AFF1: variants seen among roughly 807,000 people sequenced by gnomAD.
The protein encoded by AFF1 is AF4/FMR2 family member 1.
Under a neutral mutation model 121.7 loss-of-function variants are expected in AFF1, and 48 were observed. The ratio of observed to expected loss-of-function variants is 0.39; its 90% CI spans 0.31 to 0.50. The LOEUF (loss-of-function observed/expected upper bound fraction) is 0.50. AFF1 is among the 20% of genes least tolerant of loss of function. The pLI, the probability that AFF1 is intolerant of heterozygous loss-of-function variation, is 0.76. For missense variants in AFF1, 1,523 were observed against 1,511.7 expected (o/e 1.01, Z -0.12); for synonymous variants, 613 against 563.0 (o/e 1.09, Z -1.26).
chr4:86,949,836 C>G (rs969839562), intron 2 of AFF1: 1 of 1,613,922 alleles, frequency 6.2e-7, no homozygotes, highest in South Asian at 1.1e-5. Context: ...ATCCAGGACC[C>G]CACCTCGTAG....
chr4:87,106,981 A>C (rs931784607), intron 10 of AFF1, among the ~76,000 whole-genome samples: 2 of 152,196 alleles, frequency 1.3e-5, no homozygotes, highest in Non-Finnish European at 2.9e-5. Flanking sequence ...AACTTCTAAA[A>C]GTGGAGGAAA....
At chr4:87,072,880 T>C (rs757547750) in intron 4 of AFF1, among the ~76,000 whole-genome samples, 1 of 152,074 alleles carries the variant, frequency 6.6e-6, no homozygotes, top group African/African-American at 2.4e-5. Flanking sequence ...AATGATGGAG[T>C]CTTATTTTCA....
chr4:86,966,339 G>T (rs1262396835), intron 2 of AFF1, among the ~76,000 whole-genome samples: 1 of 152,020 alleles, frequency 6.6e-6, no homozygotes, highest in African/African-American at 2.4e-5. Flanking sequence ...TTCTGATGAG[G>T]CCCTCTCAAT....
chr4:87,105,788 C>G lies in AFF1; in HGVS notation c.1339-20C>G, dbSNP rs760630915. 1.9e-6 allele frequency: 3 copies of G among 1,613,996 alleles called. No homozygotes were observed. In the Admixed American group the frequency reaches 5.0e-5, roughly 27 times the overall value. ...TTTGTTCTTTTCCTGGTCTTTCTTCCCCTTATTGTGAATGCCTAGACCCCA... is the reference window on the plus strand; with the variant it reads ...TTTGTTCTTTTCCTGGTCTTTCTTCGCCTTATTGTGAATGCCTAGACCCCA... On this transcript the variant is annotated intron_variant, in intron 9 of 20. Coordinates refer to ENST00000395146, the MANE Select transcript of AFF1 (RefSeq NM_001166693.3).
rs370926202 is a variant in AFF1, at chr4:87,028,936, C to T, written c.39-17230C>T. On this transcript the variant is annotated intron_variant, in intron 2 of 20. Coordinates refer to ENST00000395146, the MANE Select transcript of AFF1 (RefSeq NM_001166693.3). Reference sequence around the variant, plus strand: ...GTGCCCTTAGTTGATGTCTGTCATCCTACACAGGTGGGGTCTTTTATTTCA... The same window carrying T: ...GTGCCCTTAGTTGATGTCTGTCATCTTACACAGGTGGGGTCTTTTATTTCA... Among the ~76,000 whole-genome samples, 16 of 152,268 alleles carry T rather than the reference C, an allele frequency of 1.1e-4. No homozygotes were observed. The South Asian group carries it at 2.9e-3, about 28-fold the overall frequency.
Position 87,135,632 on chromosome 4 carries a change from T to A in AFF1, c.3588T>A (p.Ser1196Arg). 1.2e-6 allele frequency: 2 copies of A among 1,612,644 alleles called. No homozygotes were observed. Among genetic ancestry groups the A allele is most frequent in the South Asian group, 2.2e-5 (2 of 90,612 alleles). ...TNVCTLALNS[S>R]LVDLVHYTRQ... ...TGTGCACCTTGGCCCTCAACAGCAG[T>A]TTGGTGGACCTGGTGCACTATACAC... The change falls in exon 21 of 21, where the codon AGT becomes AGA. Residue 1196 changes from serine to arginine, a missense_variant. By Grantham distance (110) the Ser-to-Arg change is moderately radical. Coordinates refer to ENST00000395146, the MANE Select transcript of AFF1 (RefSeq NM_001166693.3).
chr4:86,979,130 C>T (rs1723531964), intron 2 of AFF1, among the ~76,000 whole-genome samples: 1 of 152,282 alleles, frequency 6.6e-6, no homozygotes, highest in East Asian at 1.9e-4. Flanking sequence ...CAGAATCTTG[C>T]TCTGTCGCCC....
chr4:87,041,385 G>C (rs894925354), intron 2 of AFF1, among the ~76,000 whole-genome samples: 3 of 152,170 alleles, frequency 2.0e-5, no homozygotes, highest in African/African-American at 7.2e-5. Context: ...CAAAAAGGAT[G>C]TGCTGTCTTT....
chr4:87,068,646 C>T (rs1380388495), intron 4 of AFF1, among the ~76,000 whole-genome samples: 2 of 152,178 alleles, frequency 1.3e-5, no homozygotes, highest in African/African-American at 4.8e-5. Flanking sequence ...CAGATGTTGC[C>T]AATTTCAAAT....
chr4:87,130,895 C>T (rs2149799600), intron 16 of AFF1, among the ~76,000 whole-genome samples, 188 bp from the exon 17 acceptor site: 1 of 152,254 alleles, frequency 6.6e-6, no homozygotes, highest in African/African-American at 2.4e-5. Flanking sequence ...TGAATTTTTG[C>T]TAAAATAGTT....
At chr4:87,026,112 G>A (rs1439750906) in intron 2 of AFF1, among the ~76,000 whole-genome samples, 3 of 147,764 alleles carry the variant, frequency 2.0e-5, no homozygotes, top group African/African-American at 7.5e-5. Context: ...GGCTGAGGCA[G>A]GAGAATTGCT....
At position 87,059,541 on chromosome 4, in the gene AFF1, G is replaced by C. The variant is rs1412979922; in HGVS notation, c.1059+11947G>C. Among the ~76,000 whole-genome samples, 3 of 152,206 alleles carry C rather than the reference G, an allele frequency of 2.0e-5. No homozygotes were observed. The East Asian group carries it at 5.8e-4, about 29-fold the overall frequency. On this transcript the variant is annotated intron_variant, in intron 4 of 20. Transcript: ENST00000395146. ...CATCTTGCTGTTTTCCTGCTTCTCAGTATGCCACATTATTTCACATGAGTG... is the reference window on the plus strand; with the variant it reads ...CATCTTGCTGTTTTCCTGCTTCTCACTATGCCACATTATTTCACATGAGTG...
chr4:86,991,680 T>TA (rs1382571094), intron 2 of AFF1, among the ~76,000 whole-genome samples: 1 of 152,104 alleles, frequency 6.6e-6, no homozygotes, highest in African/African-American at 2.4e-5. Flanking sequence ...CGTTTTTTTT[T>TA]AAAGGATGTG....
chr4:87,081,530 T>C lies in AFF1; in HGVS notation c.1060-2590T>C, dbSNP rs530735234. On this transcript the variant is annotated intron_variant, in intron 4 of 20. Transcript: ENST00000395146. Reference sequence around the variant, plus strand: ...CTTTCCATGCAAACACCTATGTTTATGTTATTAAATCTGCATGCCATACCA... The same window carrying C: ...CTTTCCATGCAAACACCTATGTTTACGTTATTAAATCTGCATGCCATACCA... 7.2e-5 allele frequency among the ~76,000 whole-genome samples: 11 copies of C among 152,340 alleles called. No homozygotes were observed. In the South Asian group the frequency reaches 2.3e-3, roughly 32 times the overall value.
intron 2 of AFF1, among the ~76,000 whole-genome samples, chr4:87,033,730 G>C (rs560002241): frequency 6.6e-6 from 1 of 152,080 alleles, no homozygotes; most frequent in African/African-American, 2.4e-5. Context: ...TGTTTTTCTT[G>C]TTTTCTGTGT....
At chr4:87,007,771 G>C (rs1457337835) in intron 2 of AFF1, among the ~76,000 whole-genome samples, 1 of 152,030 alleles carries the variant, frequency 6.6e-6, no homozygotes, top group Non-Finnish European at 1.5e-5. Context: ...CCTACCCCTC[G>C]GTTTTCTGGA....
chr4:87,126,943 G>A (rs528598477), intron 14 of AFF1, 83 bp from the exon 15 acceptor site: 6 of 1,155,316 alleles, frequency 5.2e-6, no homozygotes, highest in Non-Finnish European at 7.7e-6. Context: ...CTACTATTTC[G>A]GGCTATTTAA....
intron 4 of AFF1, among the ~76,000 whole-genome samples, chr4:87,068,814 C>G (rs537172214): frequency 1.3e-5 from 2 of 152,328 alleles, no homozygotes; most frequent in South Asian, 2.1e-4. Flanking sequence ...GCCGCCATTG[C>G]AGCCGCCAGC....
intron 5 of AFF1, among the ~76,000 whole-genome samples, chr4:87,088,264 C>G (rs1349037690): frequency 6.6e-6 from 1 of 152,304 alleles, no homozygotes; most frequent in East Asian, 1.9e-4. Context: ...GATGGCCAGT[C>G]AGTAAACAAG....
Sources: gnomAD v4.1 joint callset for allele counts (sites outside exome capture counted in the v4.1 genomes callset) on GRCh38, gnomAD v4.1.1 for gene constraint, MANE v1.5 for transcripts, NCBI Gene and HGNC (gene_info 2026-07-23, HGNC 2026-07-21) for gene names.